The following COPG2 variants were observed in gnomAD, a reference collection of about 807,000 sequenced individuals.
The protein encoded by COPG2 is coatomer subunit gamma-2.
A neutral mutation model predicts 46.3 loss-of-function variants in COPG2; 37 were observed. That is an observed-to-expected ratio of 0.80 (90% CI 0.61 to 1.05). The LOEUF (loss-of-function observed/expected upper bound fraction) is 1.05. Among genes scored for constraint, COPG2 ranks in the 50% least tolerant of loss-of-function variants. The pLI is 0.00. For synonymous variants in COPG2, 159 were observed against 129.7 expected (o/e 1.23, Z -1.53); for missense variants, 427 against 387.8 (o/e 1.10, Z -0.85).
intron 5 of COPG2, among the ~76,000 whole-genome samples, chr7:130,650,149 TCTTA>T (rs1554458892): frequency 6.6e-6 from 1 of 152,102 alleles, no homozygotes; most frequent in Non-Finnish European, 1.5e-5. Context: ...TCATCACATC[TCTTA>T]CTGACGCCTC....
rs1297332056 is a variant in COPG2, at chr7:130,582,116, C to A, written c.738-17723G>T. 3.4e-5 allele frequency among the ~76,000 whole-genome samples: 5 copies of A among 148,674 alleles called. 1 individual carries two copies. The highest frequency in any genetic ancestry group is 4.9e-5 in the African/African-American group (2 of 40,780). Reference sequence around the variant, plus strand: ...AAACTATACTACAAGGCTACAGTAACCAAAACAGCATGGTACTGGTACCAA... The same window carrying A: ...AAACTATACTACAAGGCTACAGTAAACAAAACAGCATGGTACTGGTACCAA... On this transcript the variant is annotated intron_variant, in intron 9 of 23. Coordinates refer to ENST00000425248, the MANE Select transcript of COPG2 (RefSeq NM_012133.6).
intron 5 of COPG2, among the ~76,000 whole-genome samples, chr7:130,647,666 T>A (rs1795642383): frequency 6.6e-6 from 1 of 152,186 alleles, no homozygotes; most frequent in Non-Finnish European, 1.5e-5. Context: ...TAGGCTTTTT[T>A]ATTTTGGTAT....
At chr7:130,562,882 A>G (rs972529186) in intron 11 of COPG2, among the ~76,000 whole-genome samples, 2 of 152,194 alleles carry the variant, frequency 1.3e-5, no homozygotes, top group Non-Finnish European at 2.9e-5. Flanking sequence ...ACTTTCTTCA[A>G]TGACAGAAAT....
chr7:130,575,793 G>C (rs1793989975), intron 9 of COPG2, among the ~76,000 whole-genome samples: 1 of 152,106 alleles, frequency 6.6e-6, no homozygotes, highest in South Asian at 2.1e-4. Flanking sequence ...CTGCAAAATG[G>C]ATAACAACTC....
At chr7:130,531,810 C>G (rs1383760498) in intron 20 of COPG2, among the ~76,000 whole-genome samples, 1 of 138,466 alleles carries the variant, frequency 7.2e-6, no homozygotes, top group African/African-American at 2.7e-5. Flanking sequence ...TCAAGGTGGC[C>G]GTCCACAGCA....
intron 9 of COPG2, among the ~76,000 whole-genome samples, chr7:130,591,267 T>G (rs1490116598): frequency 1.1e-5 from 1 of 89,834 alleles, no homozygotes; most frequent in African/African-American, 4.5e-5. Context: ...GGGAGGGAGG[T>G]GGGGGCGTCA....
chr7:130,593,133 C>T (rs2116466596), intron 9 of COPG2, among the ~76,000 whole-genome samples: 1 of 152,316 alleles, frequency 6.6e-6, no homozygotes, highest in Non-Finnish European at 1.5e-5. Flanking sequence ...AAAACTGTCA[C>T]AGAAAACTGG....
intron 5 of COPG2, among the ~76,000 whole-genome samples, chr7:130,625,314 C>A (rs1259758577): frequency 6.6e-6 from 1 of 152,030 alleles, no homozygotes; most frequent in East Asian, 1.9e-4. Flanking sequence ...TCTGGGGTTC[C>A]TAGGTATTCA....
intron 20 of COPG2, among the ~76,000 whole-genome samples, chr7:130,526,546 G>A (rs1282150879): frequency 2.0e-5 from 3 of 151,998 alleles, no homozygotes; most frequent in African/African-American, 7.3e-5. Context: ...CCCCAGGGAA[G>A]GATGGAGGGC....
chr7:130,619,725 A>G (rs1795005732), intron 5 of COPG2, among the ~76,000 whole-genome samples: 1 of 152,202 alleles, frequency 6.6e-6, no homozygotes, highest in South Asian at 2.1e-4. Flanking sequence ...ATTTTTCAAG[A>G]AAAGCTCACA....
chr7:130,532,391 CA>C (rs1799836191), intron 20 of COPG2, among the ~76,000 whole-genome samples: 1 of 151,824 alleles, frequency 6.6e-6, no homozygotes, highest in Non-Finnish European at 1.5e-5. Flanking sequence ...AGGGAAGGCG[CA>C]AAGGGGAATG....
rs1321517675 is a variant in COPG2, at chr7:130,611,090, C to A, written c.600G>T (p.Leu200=). ...GTCGATCATTCTTTCTAAGGTGATA[C>A]AGGACTCCCAATGCATGGTACTAAA... ...IMVQYHALGV[L]YHLRKNDRLA... The change falls in exon 9 of 24, where the codon CTG becomes CTT. Residue 200 remains leucine (L), a synonymous_variant. Coordinates refer to ENST00000425248, the MANE Select transcript of COPG2 (RefSeq NM_012133.6). 8 of 1,613,464 alleles carry A rather than the reference C, an allele frequency of 5.0e-6. No individual in the cohort carries two copies. Among genetic ancestry groups the A allele is most frequent in the Non-Finnish European group, 5.9e-6 (7 of 1,179,766 alleles).
chr7:130,651,737 C>T (rs1005642941), intron 5 of COPG2, among the ~76,000 whole-genome samples: 5 of 150,622 alleles, frequency 3.3e-5, no homozygotes, highest in Non-Finnish European at 7.4e-5. Context: ...AGGATGGTCT[C>T]GATCTCCTGA....
chr7:130,614,355 A>C (rs1794909777), intron 6 of COPG2, among the ~76,000 whole-genome samples: 1 of 152,190 alleles, frequency 6.6e-6, no homozygotes, highest in Non-Finnish European at 1.5e-5. Context: ...AAAAATATTA[A>C]AGCATTTCTA....
chr7:130,653,773 A>G (rs1413793763), intron 4 of COPG2, among the ~76,000 whole-genome samples: 1 of 152,198 alleles, frequency 6.6e-6, no homozygotes, highest in Non-Finnish European at 1.5e-5. Context: ...AGTCCAAGCT[A>G]TGGAGAAAAC....
rs77339183 is a variant in COPG2 at position 130,667,930 on chromosome 7, A to C, written c.38-396T>G. Among the ~76,000 whole-genome samples the C allele has an allele frequency of 9.3e-4, 141 of 152,274 alleles. No homozygotes were observed. In the East Asian group the frequency reaches 0.022, roughly 24 times the overall value. On this transcript the variant is annotated intron_variant, in intron 1 of 23. Coordinates refer to ENST00000425248, the MANE Select transcript of COPG2 (RefSeq NM_012133.6). Reference sequence around the variant, plus strand: ...AGGCAGAAACGAAGTTTCCCAGAGAATCATGCAGGCGTAAAGGTGCAAGAG... The same window carrying C: ...AGGCAGAAACGAAGTTTCCCAGAGACTCATGCAGGCGTAAAGGTGCAAGAG...
At chr7:130,567,386 T>C (rs1462488551) in intron 9 of COPG2, among the ~76,000 whole-genome samples, 2 of 152,216 alleles carry the variant, frequency 1.3e-5, no homozygotes, top group Non-Finnish European at 2.9e-5. Context: ...GGAAAACTTA[T>C]TTGAAGGAAT....
chr7:130,538,572 G>A (rs1371196893), intron 20 of COPG2, among the ~76,000 whole-genome samples: 1 of 152,042 alleles, frequency 6.6e-6, no homozygotes, highest in African/African-American at 2.4e-5. Context: ...AAGGAAAGTA[G>A]GGGGAAGGTG....
intron 9 of COPG2, among the ~76,000 whole-genome samples, chr7:130,580,158 G>A (rs1214949225): frequency 1.1e-4 from 16 of 152,100 alleles, no homozygotes; most frequent in African/African-American, 3.6e-4. Context: ...TCAGACCACA[G>A]TGCAATCAAA....
Sources: allele counts gnomAD v4.1 joint callset (sites outside exome capture counted in the v4.1 genomes callset), GRCh38; gene constraint gnomAD v4.1.1; transcripts MANE v1.5; gene names NCBI Gene and HGNC (gene_info 2026-07-23, HGNC 2026-07-21).